AOPEP: variants seen among roughly 807,000 people sequenced by gnomAD.
AOPEP encodes aminopeptidase O (putative), also known as aminopeptidase O.
In AOPEP, 77 loss-of-function variants were observed where a neutral mutation model predicts 98.1. The observed-to-expected ratio is 0.78, with a 90% CI of 0.65 to 0.95. AOPEP has a LOEUF of 0.95. Among genes scored for constraint, AOPEP ranks in the 40% least tolerant of loss-of-function variants. The pLI, the probability that AOPEP is intolerant of heterozygous loss-of-function variation, is 0.00. For synonymous variants in AOPEP, 346 were observed against 365.3 expected (o/e 0.95, Z 0.60); for missense variants, 1,024 against 1,024.7 (o/e 1.00, Z 0.01).
the AOPEP span, among the ~76,000 whole-genome samples, chr9:95,097,178 C>G: frequency 6.6e-6 from 1 of 152,244 alleles, no homozygotes; most frequent in Non-Finnish European, 1.5e-5. Context: ...AGGCTCACCT[C>G]TGCCTGTTCT....
chr9:94,864,976 A>G (rs1305407750), intron 5 of AOPEP, among the ~76,000 whole-genome samples: 1 of 152,154 alleles, frequency 6.6e-6, no homozygotes, highest in Non-Finnish European at 1.5e-5. Context: ...AGGGTTAAGG[A>G]GCTATTTTAT....
rs1196387961 is a variant in AOPEP, at chr9:95,003,165, T to TGTGTGTGTGTGC, written c.1978-1992_1978-1991insTGTGTGTGTGCG. Among the ~76,000 whole-genome samples, 233 of 146,042 alleles carry TGTGTGTGTGTGC rather than the reference T, an allele frequency of 1.6e-3. 1 individual carries two copies. Among genetic ancestry groups the TGTGTGTGTGTGC allele is most frequent in the African/African-American group, 5.5e-3 (225 of 40,720 alleles). On this transcript the variant is annotated intron_variant, in intron 11 of 16. Coordinates refer to ENST00000375315, the MANE Select transcript of AOPEP (RefSeq NM_001193329.3). ...GAATGTGTGTGTGTGTGTGTGTGTG[T>TGTGTGTGTGTGC]GCGCGCGCGCGCGCGTGTGTGACTG...
chr9:94,734,135 A>G (rs751470625), intron 1 of AOPEP, among the ~76,000 whole-genome samples: 1 of 152,102 alleles, frequency 6.6e-6, no homozygotes, highest in Non-Finnish European at 1.5e-5. Flanking sequence ...TTGCCTCTAG[A>G]TACAGTGCTC....
chr9:94,867,762 A>T (rs1269359882), intron 5 of AOPEP, among the ~76,000 whole-genome samples: 1 of 152,188 alleles, frequency 6.6e-6, no homozygotes, highest in African/African-American at 2.4e-5. Context: ...CAGCCCTGAT[A>T]GGATCTGTTC....
intron 14 of AOPEP, among the ~76,000 whole-genome samples, chr9:95,078,865 C>T (rs770088008): frequency 1.3e-5 from 2 of 152,248 alleles, no homozygotes; most frequent in Admixed American, 6.5e-5. Flanking sequence ...GCAGTTTCTT[C>T]TAGCGGCTTC....
intron 13 of AOPEP, among the ~76,000 whole-genome samples, chr9:95,033,486 C>T (rs2064506476): frequency 6.6e-6 from 1 of 152,246 alleles, no homozygotes; most frequent in South Asian, 2.1e-4. Flanking sequence ...GGTTCTGTCT[C>T]CATCAGTCGG....
the AOPEP span, among the ~76,000 whole-genome samples, chr9:95,117,625 C>T: frequency 2.7e-5 from 4 of 150,898 alleles, no homozygotes; most frequent in African/African-American, 9.8e-5. Flanking sequence ...CTCTTGATGT[C>T]TTTATGAGTT....
chr9:94,877,338 G>A (rs1424552104), intron 5 of AOPEP, among the ~76,000 whole-genome samples: 2 of 151,926 alleles, frequency 1.3e-5, no homozygotes, highest in Non-Finnish European at 2.9e-5. Context: ...AGTGGGTAAT[G>A]TACTTTTTTG....
At chr9:94,852,105 T>C (rs2043625676) in intron 5 of AOPEP, among the ~76,000 whole-genome samples, 1 of 152,122 alleles carries the variant, frequency 6.6e-6, no homozygotes, top group African/African-American at 2.4e-5. Context: ...GTAGACATGA[T>C]AATTTGAGCG....
intron 7 of AOPEP, among the ~76,000 whole-genome samples, chr9:94,939,720 C>T (rs1415967111): frequency 6.6e-6 from 1 of 152,100 alleles, no homozygotes; most frequent in African/African-American, 2.4e-5. Flanking sequence ...ATAAAATTAC[C>T]TTCAGGCTAT....
chr9:94,932,095 T>C, intron 7 of AOPEP: 1 of 1,058,560 alleles, frequency 9.4e-7, no homozygotes, highest in South Asian at 4.5e-5. Context: ...CTATACCATA[T>C]TCCTGTCTTC....
intron 1 of AOPEP, among the ~76,000 whole-genome samples, chr9:94,735,163 T>C (rs1831433642): frequency 1.3e-5 from 2 of 152,238 alleles, no homozygotes; most frequent in Non-Finnish European, 2.9e-5. Context: ...ATAAAAATTA[T>C]CTTGATATCC....
chr9:95,038,349 G>A (rs986224660), intron 13 of AOPEP, among the ~76,000 whole-genome samples: 1 of 152,190 alleles, frequency 6.6e-6, no homozygotes, highest in African/African-American at 2.4e-5. Flanking sequence ...ATTAGGTTGT[G>A]AATTCTGCAC....
chr9:94,798,175 G>A (rs1208979434), intron 4 of AOPEP, among the ~76,000 whole-genome samples: 1 of 152,176 alleles, frequency 6.6e-6, no homozygotes, highest in Non-Finnish European at 1.5e-5. Flanking sequence ...ATGTGGGAAC[G>A]CAGAAGTGGC....
chr9:95,150,199 A>G, the AOPEP span: 33 of 1,039,144 alleles, frequency 3.2e-5, no homozygotes, highest in African/African-American at 4.9e-4. Flanking sequence ...TTTTGCCTCT[A>G]AATAAAGAGA....
intron 9 of AOPEP, among the ~76,000 whole-genome samples, chr9:94,965,876 C>T (rs2059160725): frequency 6.6e-6 from 1 of 151,082 alleles, no homozygotes; most frequent in South Asian, 2.1e-4. Flanking sequence ...TGTGTAGAGT[C>T]TGTATTTGCA....
chr9:94,780,355 CT>C (rs112786882), intron 3 of AOPEP, among the ~76,000 whole-genome samples: 36 of 151,398 alleles, frequency 2.4e-4, no homozygotes, highest in African/African-American at 7.8e-4. Flanking sequence ...ATCTGTGGAC[CT>C]TTTTTTTTCC....
rs715761 is a variant in AOPEP, at chr9:95,034,426, G to A, written c.2116-26268G>A. Among the ~76,000 whole-genome samples the A allele has an allele frequency of 9.0e-3, 1,366 of 152,298 alleles. 6 individuals carry two copies. Among genetic ancestry groups the A allele is most frequent in the Middle Eastern group, 0.068 (20 of 294 alleles). On this transcript the variant is annotated intron_variant, in intron 13 of 16. Transcript: ENST00000375315. ...CAAAGAATCTACCAAATGGGTAAAT[G>A]CTACTTAAGTGTCTGTACAGGTCAT...
rs186716998 is a variant in AOPEP, at chr9:94,932,489, T to C, written c.1661+3958T>C. 971 of 171,552 alleles carry C rather than the reference T, an allele frequency of 5.7e-3. 16 individuals carry two copies. Among genetic ancestry groups the C allele is most frequent in the African/African-American group, 0.022 (905 of 41,540 alleles). 10.6% of individuals were successfully genotyped at this position (171,552 alleles called of 1,614,324 possible). On this transcript the variant is annotated intron_variant, in intron 7 of 16. Coordinates refer to ENST00000375315, the MANE Select transcript of AOPEP (RefSeq NM_001193329.3). ...TTTTCTTTTCTTTCTTTCTTTCTTT[T>C]TTTTTTTTTTTTAAGACAGAGTCTT... is the stretch of plus-strand genomic sequence containing the variant.
Sources: gnomAD v4.1 joint callset for allele counts (sites outside exome capture counted in the v4.1 genomes callset) on GRCh38, gnomAD v4.1.1 for gene constraint, MANE v1.5 for transcripts, NCBI Gene and HGNC (gene_info 2026-07-23, HGNC 2026-07-21) for gene names.